The following SAE1 variants were observed in gnomAD, a reference collection of about 807,000 sequenced individuals.
The protein encoded by SAE1 is SUMO1 activating enzyme subunit 1.
SAE1 carries 11 observed loss-of-function variants against 40.6 expected under a neutral mutation model. That is an observed-to-expected ratio of 0.27 (90% CI 0.17 to 0.45). The LOEUF is 0.45. Ranked by LOEUF, SAE1 falls within the 20% of genes least tolerant of loss-of-function variation. The pLI, the probability that SAE1 is intolerant of heterozygous loss-of-function variation, is 1.00. For synonymous variants in SAE1, 155 were observed against 154.3 expected, an observed-to-expected ratio of 1.00 and a Z score of -0.03; for missense variants, 373 against 427.3, an observed-to-expected ratio of 0.87 and a Z score of 1.12.
In SAE1 at chr19:47,195,736, C is replaced by CT. The variant is rs56268362; in HGVS notation, c.734-1478dup. 6.0e-3 allele frequency among the ~76,000 whole-genome samples: 563 copies of CT among 93,134 alleles called. 2 individuals carry two copies. Among genetic ancestry groups the CT allele is most frequent in the Middle Eastern group, 0.02 (3 of 152 alleles). The allele number at this position is 93,134 out of a possible 152,430, so 61.1% of individuals were successfully genotyped here. On this transcript the variant is annotated intron_variant, in intron 6 of 8. Transcript: ENST00000270225. Reference sequence around the variant, plus strand: ...TTCCTTTTCCTTTCCTTTTTTTCTTCTTTTTTTTTTTTTTTTTTTGACAGG... The same window carrying CT: ...TTCCTTTTCCTTTCCTTTTTTTCTTCTTTTTTTTTTTTTTTTTTTTGACAGG...
chr19:47,192,619 C>T (rs985393371), intron 6 of SAE1, among the ~76,000 whole-genome samples: 12 of 151,762 alleles, frequency 7.9e-5, no homozygotes, highest in Admixed American at 7.9e-4. Context: ...TTCGGCTCAC[C>T]GCAACCTCTG....
intron 5 of SAE1, among the ~76,000 whole-genome samples, chr19:47,160,370 C>T (rs140785718): frequency 4.7e-5 from 7 of 148,964 alleles, no homozygotes; most frequent in African/African-American, 7.4e-5. Flanking sequence ...TACAGGTGCG[C>T]GCCACCACGC....
intron 6 of SAE1, among the ~76,000 whole-genome samples, chr19:47,195,123 C>T (rs1163332209): frequency 1.3e-5 from 2 of 150,542 alleles, no homozygotes; most frequent in African/African-American, 4.9e-5. Context: ...GGCACGATCT[C>T]GGCTCACTGC....
intron 6 of SAE1, among the ~76,000 whole-genome samples, chr19:47,194,447 T>A (rs1007256927): frequency 6.6e-6 from 1 of 152,218 alleles, no homozygotes; most frequent in Non-Finnish European, 1.5e-5. Flanking sequence ...AAGTCTACTT[T>A]TTCAATCAAC....
At chr19:47,157,877 G>C (rs1077336) in intron 5 of SAE1, among the ~76,000 whole-genome samples, 24,777 of 152,118 alleles carry the variant, frequency 0.16, 2,204 homozygotes, top group East Asian at 0.36. Context: ...CCTTTGTGCA[G>C]CCTCACCAAG....
chr19:47,193,851 A>G (rs1353279079), intron 6 of SAE1, among the ~76,000 whole-genome samples: 1 of 133,974 alleles, frequency 7.5e-6, no homozygotes, highest in African/African-American at 3.7e-5. Context: ...GAAAGAAAAG[A>G]AAAAGAAAAA....
Position 47,209,768 on chromosome 19 carries a change from TAGAG to T in SAE1, c.*520_*523del, listed in dbSNP as rs2058704290. On this transcript the variant is annotated 3_prime_UTR_variant, in exon 9 of 9. Coordinates refer to ENST00000270225, the MANE Select transcript of SAE1 (RefSeq NM_005500.3). The stretch of plus-strand genomic sequence containing the variant: ...AGCTCCAAGTTCAGACAGGTGCCCT[TAGAG>T]AGGAAAACCATGACAGGCAAATGCA... The T allele has an allele frequency of 6.5e-6, 1 of 154,558 alleles. No individual in the cohort carries two copies. Among genetic ancestry groups the T allele is most frequent in the African/African-American group, 2.4e-5 (1 of 41,562 alleles). The allele number at this position is 154,558 out of a possible 1,614,324, so 9.6% of individuals were successfully genotyped here.
intron 6 of SAE1, among the ~76,000 whole-genome samples, chr19:47,195,518 A>C (rs1177978303): frequency 6.6e-6 from 1 of 152,126 alleles, no homozygotes; most frequent in African/African-American, 2.4e-5. Flanking sequence ...TAGTTTTCAT[A>C]GTAAAGGAAG....
intron 1 of SAE1, among the ~76,000 whole-genome samples, chr19:47,141,769 A>G (rs1351848014): frequency 1.3e-5 from 2 of 152,158 alleles, no homozygotes; most frequent in Admixed American, 6.6e-5. Context: ...CAGAACTTAA[A>G]TTGTGTGAAA....
chr19:47,156,004 G>C (rs1225307969), intron 5 of SAE1, among the ~76,000 whole-genome samples: 1 of 151,702 alleles, frequency 6.6e-6, no homozygotes, highest in East Asian at 1.9e-4. Flanking sequence ...CCCACAAAGT[G>C]CTGGGATTAC....
chr19:47,193,562 C>G lies in SAE1; in HGVS notation c.734-3671C>G, dbSNP rs1350690874. Among the ~76,000 whole-genome samples, 22 of 150,940 alleles carry G rather than the reference C, an allele frequency of 1.5e-4. No individual in the cohort carries two copies. In the East Asian group the frequency reaches 1.7e-3, roughly 12 times the overall value. On this transcript the variant is annotated intron_variant, in intron 6 of 8. Coordinates refer to ENST00000270225, the MANE Select transcript of SAE1 (RefSeq NM_005500.3). ...ACCAGCTGGGTGCTGTGGCTCACGC[C>G]TGTAATTCCAGCACTTTGGGGGGCC... is the stretch of plus-strand genomic sequence containing the variant.
At chr19:47,150,126 A>G in intron 2 of SAE1, 76 bp from the exon 3 acceptor site, 2 of 1,106,466 alleles carry the variant, frequency 1.8e-6, no homozygotes, top group Non-Finnish European at 2.5e-6. Context: ...GCTATCCTTT[A>G]AAATTTAAAG....
chr19:47,140,689 A>G lies in SAE1; in HGVS notation c.99-2805A>G, dbSNP rs577660695. 9.2e-5 allele frequency among the ~76,000 whole-genome samples: 14 copies of G among 151,656 alleles called. No individual in the cohort carries two copies. The South Asian group carries it at 2.7e-3, about 29-fold the overall frequency. On this transcript the variant is annotated intron_variant, in intron 1 of 8. Transcript: ENST00000270225. ...TGTGCACCTATAGTCCCAGGACTCA[A>G]TAGGCCGAGGTGGCGGGATCACTTG...
intron 5 of SAE1, among the ~76,000 whole-genome samples, chr19:47,155,642 A>G (rs1469196875): frequency 2.0e-5 from 3 of 151,652 alleles, no homozygotes; most frequent in African/African-American, 7.3e-5. Flanking sequence ...GGGTTTCACC[A>G]TGTTGGCCAG....
chr19:47,193,413 G>A (rs1009702360), intron 6 of SAE1, among the ~76,000 whole-genome samples: 1 of 152,064 alleles, frequency 6.6e-6, no homozygotes, highest in African/African-American at 2.4e-5. Flanking sequence ...ATTGAGGGTT[G>A]CAGAAGCTGT....
chr19:47,163,323 A>G (rs1324634427), intron 5 of SAE1, among the ~76,000 whole-genome samples: 1 of 152,180 alleles, frequency 6.6e-6, no homozygotes, highest in Admixed American at 6.6e-5. Context: ...GTCTATCTGT[A>G]CCAAACATGT....
At chr19:47,175,423 TTA>T (rs2058463377) in intron 6 of SAE1, among the ~76,000 whole-genome samples, 1 of 152,174 alleles carries the variant, frequency 6.6e-6, no homozygotes, top group South Asian at 2.1e-4. Context: ...ACCTGTGGAC[TTA>T]GTTTTCAACA....
intron 8 of SAE1, among the ~76,000 whole-genome samples, chr19:47,206,009 C>G (rs1016426307): frequency 6.6e-6 from 1 of 152,256 alleles, no homozygotes; most frequent in African/African-American, 2.4e-5. Context: ...AGCCTTACTT[C>G]TGCACATCCC....
intron 5 of SAE1, among the ~76,000 whole-genome samples, chr19:47,164,992 G>T (rs1032835279): frequency 6.6e-6 from 1 of 151,164 alleles, no homozygotes; most frequent in Admixed American, 6.6e-5. Context: ...TCACCATATT[G>T]GCCAGGCTGG....
Sources: allele counts gnomAD v4.1 joint callset (sites outside exome capture counted in the v4.1 genomes callset), GRCh38; gene constraint gnomAD v4.1.1; transcripts MANE v1.5; gene names NCBI Gene and HGNC (gene_info 2026-07-23, HGNC 2026-07-21).